Variants in FBN1 observed in about 807,000 individuals in gnomAD.
FBN1 encodes fibrillin 1.
Under a neutral mutation model 365.1 loss-of-function variants are expected in FBN1, and 29 were observed. The observed-to-expected ratio is 0.08, with a 90% confidence interval of 0.06 to 0.11. The LOEUF is 0.11. Among genes scored for constraint, FBN1 ranks in the 10% least tolerant of loss-of-function variants. The probability of loss-of-function intolerance (pLI) is 1.00; values close to 1 mark genes in which losing one functional copy is unlikely to be tolerated. For synonymous variants in FBN1, 1,210 were observed against 1,270.5 expected (o/e 0.95, Z 1.01); for missense variants, 2,476 against 3,703.2 (o/e 0.67, Z 8.60).
intron 58 of FBN1, 136 bp downstream of exon 58, chr15:48,427,431 T>A: frequency 1.1e-6 from 1 of 892,326 alleles, no homozygotes; most frequent in South Asian, 1.6e-5. Context: ...AACTCCATAA[T>A]GAAGAATTTT....
intron 5 of FBN1, among the ~76,000 whole-genome samples, chr15:48,599,070 T>C (rs1018209635): frequency 2.4e-4 from 36 of 152,316 alleles, no homozygotes; most frequent in African/African-American, 7.7e-4. Flanking sequence ...GAACTGTAAG[T>C]CCAATAAACC....
intron 6 of FBN1, 132 bp from the exon 7 acceptor site, chr15:48,537,940 G>C: frequency 2.1e-6 from 2 of 939,294 alleles, no homozygotes; most frequent in Non-Finnish European, 3.3e-6. Flanking sequence ...ATGCATCACT[G>C]TCCCTGTGTA....
chr15:48,423,858 G>A (rs188613408), intron 60 of FBN1, among the ~76,000 whole-genome samples: 70 of 152,316 alleles, frequency 4.6e-4, no homozygotes, highest in Admixed American at 3.3e-3. Flanking sequence ...CAAGTTGTGA[G>A]TGGACATGTA....
At chr15:48,567,998 T>TA (rs913796914) in intron 6 of FBN1, among the ~76,000 whole-genome samples, 10 of 56,526 alleles carry the variant, frequency 1.8e-4, no homozygotes, top group Admixed American at 4.1e-4. Flanking sequence ...AGTATACAGA[T>TA]AAGAAAGAAA....
At chr15:48,608,551 T>C (rs1474628342) in intron 4 of FBN1, among the ~76,000 whole-genome samples, 1 of 152,180 alleles carries the variant, frequency 6.6e-6, no homozygotes, top group African/African-American at 2.4e-5. Context: ...TTGCAAGCCA[T>C]TTAGACAATA....
intron 65 of FBN1, among the ~76,000 whole-genome samples, chr15:48,411,802 A>C (rs887022169): frequency 2.0e-5 from 3 of 152,264 alleles, no homozygotes; most frequent in African/African-American, 7.2e-5. Context: ...CCACTGTTTT[A>C]ATAGATTATG....
In FBN1 at chr15:48,474,220, T is replaced by C. The variant is rs760821143; in HGVS notation, c.4210+35A>G. The C allele has an allele frequency of 1.2e-5, 19 of 1,613,736 alleles. No homozygotes were observed. The Admixed American group carries it at 3.0e-4, about 25-fold the overall frequency. ...ATGTGGAATGCCTGGCTTCTCTGAC[T>C]AGTGTTGACACAGTTGTTTCCAGCG... On this transcript the variant is annotated intron_variant, in intron 34 of 65. Coordinates refer to ENST00000316623, the MANE Select transcript of FBN1 (RefSeq NM_000138.5).
At chr15:48,525,240 C>G (rs979155334) in intron 9 of FBN1, among the ~76,000 whole-genome samples, 1 of 152,038 alleles carries the variant, frequency 6.6e-6, no homozygotes, top group Admixed American at 6.6e-5. Context: ...GCACCCGCCA[C>G]GACGCCTGGC....
In FBN1 at chr15:48,432,961, A is replaced by G; in HGVS notation, c.6644T>C (p.Leu2215Pro). ...GTTCACACATCGGAAGGCACAGAGCAGAGGATTCTGGGCACATTCATTTAT... is the reference window on the plus strand; with the variant it reads ...GTTCACACATCGGAAGGCACAGAGCGGAGGATTCTGGGCACATTCATTTAT... Reference protein sequence around the residue: ...EDINECAQNPLLCAFRCVNTY... With the variant: ...EDINECAQNPPLCAFRCVNTY... The change falls in exon 55 of 66, where the codon CTG becomes CCG. Residue 2215 changes from leucine (L) to proline (P), a missense_variant. By Grantham distance (98) the Leu-to-Pro change is moderately conservative. This residue lies in a region of FBN1 where 1,780 missense variants were observed against 2,840.8 expected (regional missense o/e 0.63). Coordinates refer to ENST00000316623, the MANE Select transcript of FBN1 (RefSeq NM_000138.5). 6.2e-7 allele frequency: 1 copy of G among 1,613,632 alleles called. No homozygotes were observed. Among genetic ancestry groups the G allele is most frequent in the Non-Finnish European group, 8.5e-7 (1 of 1,179,604 alleles).
intron 2 of FBN1, among the ~76,000 whole-genome samples, chr15:48,623,728 T>C (rs1889814499): frequency 6.6e-6 from 1 of 152,198 alleles, no homozygotes; most frequent in Admixed American, 6.5e-5. Flanking sequence ...GCTGCTTGGA[T>C]GAAGGCTTTT....
chr15:48,488,539 C>A, intron 25 of FBN1, 46 bp from the exon 26 acceptor site: 1 of 1,603,544 alleles, frequency 6.2e-7, no homozygotes, highest in South Asian at 1.1e-5. Context: ...TATGAGCAAG[C>A]AGTCAGGAGG....
intron 2 of FBN1, among the ~76,000 whole-genome samples, chr15:48,615,084 T>C (rs1395171567): frequency 6.6e-6 from 1 of 152,098 alleles, no homozygotes; most frequent in African/African-American, 2.4e-5. Flanking sequence ...CGCACAAACC[T>C]TCCAAACTTT....
intron 10 of FBN1, among the ~76,000 whole-genome samples, chr15:48,517,286 A>G (rs2043812998): frequency 6.6e-6 from 1 of 152,218 alleles, no homozygotes; most frequent in Non-Finnish European, 1.5e-5. Flanking sequence ...TGATACTCAA[A>G]GCCATGGGGA....
intron 18 of FBN1, among the ~76,000 whole-genome samples, chr15:48,498,712 A>G (rs987242825): frequency 6.6e-6 from 1 of 152,102 alleles, no homozygotes; most frequent in Non-Finnish European, 1.5e-5. Flanking sequence ...AAGTCATTAC[A>G]CATCATCTGC....
intron 50 of FBN1, among the ~76,000 whole-genome samples, chr15:48,438,219 C>T (rs2043088005): frequency 6.6e-6 from 1 of 152,158 alleles, no homozygotes; most frequent in Non-Finnish European, 1.5e-5. Context: ...TCAAAACTGA[C>T]ATCTGTCAGT....
At chr15:48,595,483 A>G (rs2044509175) in intron 6 of FBN1, among the ~76,000 whole-genome samples, 2 of 152,344 alleles carry the variant, frequency 1.3e-5, no homozygotes, top group South Asian at 2.1e-4. Context: ...GATTATTAGT[A>G]AGACCAAAGT....
At chr15:48,616,267 T>C (rs1216783912) in intron 2 of FBN1, among the ~76,000 whole-genome samples, 1 of 152,250 alleles carries the variant, frequency 6.6e-6, no homozygotes. Flanking sequence ...TTCAGCTGTT[T>C]CAACCAATAC....
At position 48,434,698 on chromosome 15, in the gene FBN1, G is replaced by A. The variant is rs1413266501; in HGVS notation, c.6512C>T (p.Ser2171Phe). ...GNECVDTDEC[S>F]VGNPCGNGTC... Reference sequence around the variant, plus strand: ...TCCATTTCCACAAGGATTGCCAACAGAACATTCATCAGTATCTGCAAGAAA... The same window carrying A: ...TCCATTTCCACAAGGATTGCCAACAAAACATTCATCAGTATCTGCAAGAAA... Residue 2171 changes from serine (S) to phenylalanine (F), a missense_variant, in exon 54 of 66, where the codon TCT becomes TTT. Transcript: ENST00000316623. The A allele has an allele frequency of 6.2e-7, 1 of 1,613,676 alleles. No homozygotes were observed. The highest frequency in any genetic ancestry group is 1.7e-5 in the Admixed American group (1 of 59,976).
In FBN1 at chr15:48,503,942, A is replaced by T; in HGVS notation, c.1961-3T>A. The stretch of plus-strand genomic sequence containing the variant: ...GCATGTGCTCCGCATGTGTGTGTCT[A>T]AACAGGAAGAAGCATCTGTCATCAC... On this transcript the variant is annotated splice_polypyrimidine_tract_variant and splice_region_variant and intron_variant, in intron 16 of 65. Coordinates refer to ENST00000316623, the MANE Select transcript of FBN1 (RefSeq NM_000138.5). The T allele has an allele frequency of 6.2e-7, 1 of 1,614,102 alleles. No individual in the cohort carries two copies. The highest frequency in any genetic ancestry group is 8.5e-7 in the Non-Finnish European group (1 of 1,180,024).
Sources: gnomAD v4.1 joint callset for allele counts (sites outside exome capture counted in the v4.1 genomes callset) on GRCh38, gnomAD v4.1.1 for gene constraint, gnomAD v4.1.1 regional missense constraint, MANE v1.5 for transcripts, NCBI Gene and HGNC (gene_info 2026-07-23, HGNC 2026-07-21) for gene names.